The following P3H2 variants were observed in gnomAD, a reference collection of about 807,000 sequenced individuals.
P3H2 encodes the protein leprecan-like 1.
Under a neutral mutation model 87.0 loss-of-function variants are expected in P3H2, and 80 were observed. The ratio of observed to expected loss-of-function variants is 0.92; its 90% CI spans 0.77 to 1.11. The LOEUF (loss-of-function observed/expected upper bound fraction) is 1.11. P3H2 is among the 50% of genes least tolerant of loss of function. The probability of loss-of-function intolerance (pLI) is 0.00; values close to 1 mark genes in which losing one functional copy is unlikely to be tolerated. For missense variants in P3H2, 1,001 were observed against 923.9 expected, an observed-to-expected ratio of 1.08 and a Z score of -1.08; for synonymous variants, 367 against 359.3, an observed-to-expected ratio of 1.02 and a Z score of -0.24.
chr3:189,993,336 A>T (rs963215202), intron 3 of P3H2, among the ~76,000 whole-genome samples: 1 of 152,000 alleles, frequency 6.6e-6, no homozygotes, highest in Non-Finnish European at 1.5e-5. Context: ...AAAAAAAAAA[A>T]AAAAGAGCTT....
At chr3:189,963,693 C>G (rs530714691) in intron 14 of P3H2, 1 of 442,594 alleles carries the variant, frequency 2.3e-6, no homozygotes, top group South Asian at 2.3e-5. Context: ...ATCTGCCCAC[C>G]TCGGCCTCCC....
chr3:190,095,778 A>ATTT (rs1727562530), intron 1 of P3H2, among the ~76,000 whole-genome samples: 1 of 151,688 alleles, frequency 6.6e-6, no homozygotes, highest in African/African-American at 2.4e-5. Context: ...TTATTTTTGT[A>ATTT]TTTTTGGTAG....
chr3:190,053,155 G>A (rs759629187), intron 1 of P3H2, among the ~76,000 whole-genome samples: 9 of 151,988 alleles, frequency 5.9e-5, no homozygotes, highest in Non-Finnish European at 1.2e-4. Context: ...TATTTGTTGA[G>A]GGCCGCTTGT....
intron 5 of P3H2, among the ~76,000 whole-genome samples, chr3:189,987,312 TAAA>T (rs771677163): frequency 2.7e-5 from 4 of 147,562 alleles, no homozygotes; most frequent in African/African-American, 5.0e-5. Context: ...CCGTCTCTAC[TAAA>T]AAAAAAATAC....
chr3:190,101,967 G>C (rs1319931481), intron 1 of P3H2, among the ~76,000 whole-genome samples: 1 of 152,170 alleles, frequency 6.6e-6, no homozygotes, highest in Non-Finnish European at 1.5e-5. Context: ...TAAGAATTAT[G>C]ATAAATCTAC....
At chr3:190,012,852 T>C (rs1724637529) in intron 1 of P3H2, among the ~76,000 whole-genome samples, 1 of 152,166 alleles carries the variant, frequency 6.6e-6, no homozygotes, top group Non-Finnish European at 1.5e-5. Context: ...TTAAGAGATT[T>C]TGTAAGTCAA....
At chr3:189,988,109 T>C (rs867548672) in intron 4 of P3H2, among the ~76,000 whole-genome samples, 21 of 152,216 alleles carry the variant, frequency 1.4e-4, no homozygotes, top group Admixed American at 1.0e-3. Flanking sequence ...TTTTCATTGC[T>C]GCAGTTTGTG....
chr3:189,994,134 C>A lies in P3H2; in HGVS notation c.783G>T (p.Glu261Asp). 8.1e-6 allele frequency: 13 copies of A among 1,613,576 alleles called. No individual in the cohort carries two copies. The highest frequency in any genetic ancestry group is 1.1e-5 in the Non-Finnish European group (13 of 1,179,782). The change falls in exon 3 of 15, where the codon GAG becomes GAT. Residue 261 changes from glutamate to aspartate, a missense_variant. By Grantham distance (45) the Glu-to-Asp change is conservative. Transcript: ENST00000319332. Reference sequence around the variant, plus strand: ...ACAGACCAGCCTTATACCCTAAATACTCATATTCTTCAAATCTCTGAGGCC... The same window carrying A: ...ACAGACCAGCCTTATACCCTAAATAATCATATTCTTCAAATCTCTGAGGCC... ...CEGPQRFEEY[E>D]YLGYKAGLYE...
intron 1 of P3H2, among the ~76,000 whole-genome samples, chr3:189,998,282 C>T (rs185854926): frequency 6.6e-6 from 1 of 152,278 alleles, no homozygotes; most frequent in East Asian, 1.9e-4. Flanking sequence ...CTGACATACT[C>T]TGATTCTACA....
At chr3:189,991,396 T>TCTTAACAATAATC (rs1723872869) in intron 3 of P3H2, among the ~76,000 whole-genome samples, 1 of 152,232 alleles carries the variant, frequency 6.6e-6, no homozygotes, top group African/African-American at 2.4e-5. Flanking sequence ...TAAAAATAAT[T>TCTTAACAATAATC]CTTAACAATA....
chr3:189,969,426 T>A, intron 13 of P3H2: 1 of 817,322 alleles, frequency 1.2e-6, no homozygotes, highest in Non-Finnish European at 2.1e-6. Flanking sequence ...CGTCTCTCGT[T>A]TGGGGGCTTG....
intron 1 of P3H2, among the ~76,000 whole-genome samples, chr3:190,071,385 T>C (rs1308824427): frequency 6.6e-6 from 1 of 152,204 alleles, no homozygotes; most frequent in African/African-American, 2.4e-5. Context: ...TCCTGGCAAA[T>C]CAGTTAAATC....
At position 190,120,617 on chromosome 3, in the gene P3H2, C is replaced by T. The variant is rs1263333334; in HGVS notation, c.115G>A (p.Gly39Arg). The stretch of plus-strand genomic sequence containing the variant: ...AGCAGGTCGAAGGGCTGCAGAGGCC[C>T]GGGCTCCAGCTCCAGCTCCCGGCGT... Reference protein sequence around the residue: ...SPRRELELEPGPLQPFDLLYA... With the variant: ...SPRRELELEPRPLQPFDLLYA... The change falls in exon 1 of 15, where the codon GGG becomes AGG. Residue 39 changes from glycine to arginine, a missense_variant. Coordinates refer to ENST00000319332, the MANE Select transcript of P3H2 (RefSeq NM_018192.4). 3.9e-5 allele frequency: 60 copies of T among 1,538,166 alleles called. No individual in the cohort carries two copies. The highest frequency in any genetic ancestry group is 5.0e-5 in the Non-Finnish European group (58 of 1,151,410).
chr3:189,966,932 C>T (rs1178970117), intron 13 of P3H2, among the ~76,000 whole-genome samples: 2 of 152,208 alleles, frequency 1.3e-5, no homozygotes, highest in African/African-American at 4.8e-5. Flanking sequence ...CAGATAATTA[C>T]ACAACTTCCA....
At chr3:189,969,623 GC>G in intron 13 of P3H2, 1 of 1,202,004 alleles carries the variant, frequency 8.3e-7, no homozygotes, top group African/African-American at 1.5e-5. Context: ...TTCCTTCAAA[GC>G]CCAGATGGTC....
At chr3:190,036,861 T>C (rs536385827) in intron 1 of P3H2, among the ~76,000 whole-genome samples, 211 of 152,272 alleles carry the variant, frequency 1.4e-3, no homozygotes, top group Non-Finnish European at 2.6e-3. Context: ...CACTGATTCA[T>C]TTAACAACAA....
At chr3:190,087,962 A>G (rs1403551724) in intron 1 of P3H2, among the ~76,000 whole-genome samples, 1 of 152,230 alleles carries the variant, frequency 6.6e-6, no homozygotes, top group African/African-American at 2.4e-5. Context: ...CAAGTTCCTG[A>G]AAGTGATTAC....
intron 1 of P3H2, among the ~76,000 whole-genome samples, chr3:190,039,071 C>A (rs2108953069): frequency 1.3e-5 from 2 of 152,204 alleles, no homozygotes; most frequent in African/African-American, 2.4e-5. Context: ...TGCCTGTAAT[C>A]CCAGCTACTT....
rs1722679835 is a variant in P3H2 at position 189,957,700 on chromosome 3, A to AG, written c.*211_*212insC. 1.8e-6 allele frequency: 1 copy of AG among 542,194 alleles called. No individual in the cohort carries two copies. Among genetic ancestry groups the AG allele is most frequent in the Admixed American group, 3.2e-5 (1 of 31,624 alleles). The allele number at this position is 542,194 out of a possible 1,614,324, so 33.6% of individuals were successfully genotyped here. A position where few individuals can be genotyped will look rare whatever the true frequency, so the allele number is the denominator to read the frequency against. ...AACATGGTTAGACCATGTCTCTAAGAAGAGAGAGAGAGAGAGAGAGAGAGA... is the reference window on the plus strand; with the variant it reads ...AACATGGTTAGACCATGTCTCTAAGAGAGAGAGAGAGAGAGAGAGAGAGAGA... On this transcript the variant is annotated 3_prime_UTR_variant, in exon 15 of 15. Transcript: ENST00000319332.
Sources: gnomAD v4.1 joint callset for allele counts (sites outside exome capture counted in the v4.1 genomes callset) on GRCh38, gnomAD v4.1.1 for gene constraint, MANE v1.5 for transcripts, NCBI Gene and HGNC (gene_info 2026-07-23, HGNC 2026-07-21) for gene names.